CCDC178: variants seen among roughly 807,000 people sequenced by gnomAD.
The protein encoded by CCDC178 is coiled-coil domain-containing protein 178.
CCDC178 carries 126 observed loss-of-function variants against 117.4 expected under a neutral mutation model. That is an observed-to-expected ratio of 1.07 (90% CI 0.93 to 1.24). The LOEUF is 1.24. Ranked by LOEUF, CCDC178 falls within the 50% of genes most tolerant of loss-of-function variation. The probability of loss-of-function intolerance (pLI) is 0.00; values close to 1 mark genes in which losing one functional copy is unlikely to be tolerated. For synonymous variants in CCDC178, 283 were observed against 313.4 expected, an observed-to-expected ratio of 0.90 and a Z score of 1.02; for missense variants, 1,030 against 986.9, an observed-to-expected ratio of 1.04 and a Z score of -0.59.
At chr18:33,084,559 T>C (rs1380296418) in intron 21 of CCDC178, among the ~76,000 whole-genome samples, 2 of 152,074 alleles carry the variant, frequency 1.3e-5, no homozygotes, top group Admixed American at 1.3e-4. Flanking sequence ...ACACCTGTAA[T>C]CCCAGCACTT....
intron 20 of CCDC178, among the ~76,000 whole-genome samples, chr18:33,135,416 TG>T (rs1463833901): frequency 6.6e-6 from 1 of 152,140 alleles, no homozygotes; most frequent in African/African-American, 2.4e-5. Flanking sequence ...TTAAGTATCA[TG>T]CAGCAACGTA....
chr18:33,244,113 C>T (rs2059519089), intron 15 of CCDC178, among the ~76,000 whole-genome samples: 1 of 151,866 alleles, frequency 6.6e-6, no homozygotes, highest in South Asian at 2.1e-4. Context: ...GGAAAAACAC[C>T]CCAATCTTTC....
intron 21 of CCDC178, among the ~76,000 whole-genome samples, chr18:33,077,596 A>C (rs917242182): frequency 2.0e-5 from 3 of 152,170 alleles, no homozygotes; most frequent in African/African-American, 7.2e-5. Context: ...GACAAAGAGG[A>C]TATTACCACT....
At chr18:33,186,953 A>G (rs556268087) in intron 20 of CCDC178, among the ~76,000 whole-genome samples, 1 of 152,054 alleles carries the variant, frequency 6.6e-6, no homozygotes, top group Non-Finnish European at 1.5e-5. Context: ...TCACACTGCT[A>G]TAAAGAACTG....
chr18:33,410,271 T>C (rs966733043), intron 3 of CCDC178, among the ~76,000 whole-genome samples: 1 of 152,220 alleles, frequency 6.6e-6, no homozygotes, highest in African/African-American at 2.4e-5. Flanking sequence ...ACTATTTAAA[T>C]ATGAGTTACA....
At chr18:33,050,448 C>T (rs2056727039) in intron 21 of CCDC178, among the ~76,000 whole-genome samples, 1 of 152,022 alleles carries the variant, frequency 6.6e-6, no homozygotes, top group African/African-American at 2.4e-5. Context: ...ATTTAAGATT[C>T]TAAGAAGCAA....
At chr18:33,361,307 G>C (rs1437119823) in intron 6 of CCDC178, among the ~76,000 whole-genome samples, 2 of 151,596 alleles carry the variant, frequency 1.3e-5, no homozygotes, top group Non-Finnish European at 3.0e-5. Flanking sequence ...AATGAAATTG[G>C]CTCTTATCTT....
At chr18:33,179,114 ATATATATATATATAAAC>A (rs1466206967) in intron 20 of CCDC178, among the ~76,000 whole-genome samples, 18 of 88,896 alleles carry the variant, frequency 2.0e-4, no homozygotes, top group Admixed American at 4.5e-4. Context: ...TATATAAACT[ATATATATATATATAAAC>A]TATATATATA....
chr18:33,045,597 C>G (rs1358284057), intron 21 of CCDC178, among the ~76,000 whole-genome samples: 1 of 152,180 alleles, frequency 6.6e-6, no homozygotes, highest in Non-Finnish European at 1.5e-5. Flanking sequence ...ATCAATTGTT[C>G]TGGCCTTCAT....
At chr18:33,127,015 T>TATATAC (rs1197743304) in intron 20 of CCDC178, among the ~76,000 whole-genome samples, 2 of 142,390 alleles carry the variant, frequency 1.4e-5, no homozygotes, top group African/African-American at 5.3e-5. Context: ...TATATATATA[T>TATATAC]ACACACACAC....
intron 20 of CCDC178, among the ~76,000 whole-genome samples, chr18:33,181,879 A>C (rs1320508992): frequency 6.6e-6 from 1 of 151,886 alleles, no homozygotes; most frequent in Admixed American, 6.6e-5. Flanking sequence ...TAAGAAAAAA[A>C]GTCACTAATC....
At chr18:33,380,844 A>C (rs2063431204) in intron 5 of CCDC178, among the ~76,000 whole-genome samples, 1 of 152,220 alleles carries the variant, frequency 6.6e-6, no homozygotes, top group African/African-American at 2.4e-5. Context: ...AGAAAAAGCA[A>C]CAACTTTATT....
chr18:33,382,260 C>T (rs967177361), intron 5 of CCDC178, among the ~76,000 whole-genome samples: 1 of 152,188 alleles, frequency 6.6e-6, no homozygotes, highest in South Asian at 2.1e-4. Flanking sequence ...TATATGTATA[C>T]ATTTCCTCAT....
chr18:33,088,691 C>T (rs552994070), intron 21 of CCDC178, among the ~76,000 whole-genome samples: 1 of 152,240 alleles, frequency 6.6e-6, no homozygotes, highest in African/African-American at 2.4e-5. Context: ...GGCCAACACA[C>T]TGCTGCAGAG....
At chr18:33,031,688 T>C (rs541386921) in intron 21 of CCDC178, among the ~76,000 whole-genome samples, 1 of 152,226 alleles carries the variant, frequency 6.6e-6, no homozygotes, top group South Asian at 2.1e-4. Flanking sequence ...TCTTTCTTTG[T>C]GTTAATATTG....
intron 20 of CCDC178, among the ~76,000 whole-genome samples, chr18:33,132,069 C>CTT (rs1473198036): frequency 7.3e-6 from 1 of 137,896 alleles, no homozygotes; most frequent in African/African-American, 2.7e-5. Context: ...TTTTTAACGA[C>CTT]TTTTAACTTC....
intron 14 of CCDC178, among the ~76,000 whole-genome samples, chr18:33,265,378 A>G (rs949767446): frequency 2.6e-5 from 4 of 152,108 alleles, no homozygotes; most frequent in Admixed American, 2.6e-4. Context: ...ATACACAAAA[A>G]ATTATGAATA....
In CCDC178 at chr18:33,294,354, G is replaced by A. The variant is rs374678712; in HGVS notation, c.1023-1042C>T. Among the ~76,000 whole-genome samples the A allele has an allele frequency of 1.3e-4, 20 of 152,180 alleles. No individual in the cohort carries two copies. The East Asian group carries it at 1.7e-3, about 13-fold the overall frequency. On this transcript the variant is annotated intron_variant, in intron 11 of 22. Transcript: ENST00000383096. The stretch of plus-strand genomic sequence containing the variant: ...TAAAGACACCTTAAACAAAATAGTA[G>A]ACTAGGAGATTTATTTGAAACCCAC...
chr18:33,241,119 G>T (rs1235988347), intron 15 of CCDC178, among the ~76,000 whole-genome samples: 1 of 151,840 alleles, frequency 6.6e-6, no homozygotes, highest in Non-Finnish European at 1.5e-5. Flanking sequence ...AATAGATGCA[G>T]AAAAAGCATT....
Sources: gnomAD v4.1 joint callset for allele counts (sites outside exome capture counted in the v4.1 genomes callset) on GRCh38, gnomAD v4.1.1 for gene constraint, MANE v1.5 for transcripts, NCBI Gene and HGNC (gene_info 2026-07-23, HGNC 2026-07-21) for gene names.